SCFD1: variants seen among roughly 807,000 people sequenced by gnomAD.
SCFD1 encodes sec1 family domain containing 1, also known as sec1 family domain-containing protein 1.
Under a neutral mutation model 103.2 loss-of-function variants are expected in SCFD1, and 37 were observed. That is an observed-to-expected ratio of 0.36 (90% CI 0.28 to 0.47). The LOEUF is 0.47. Ranked by LOEUF, SCFD1 falls within the 20% of genes least tolerant of loss-of-function variation. The pLI is 1.00. For synonymous variants in SCFD1, 264 were observed against 245.0 expected (o/e 1.08, Z -0.73); for missense variants, 639 against 761.2 (o/e 0.84, Z 1.89).
chr14:30,631,971 C>A (rs1884185625), intron 3 of SCFD1, among the ~76,000 whole-genome samples: 1 of 146,672 alleles, frequency 6.8e-6, no homozygotes, highest in African/African-American at 2.6e-5. Flanking sequence ...TTGCTTGAAC[C>A]CAGGAGGCAG....
intron 7 of SCFD1, among the ~76,000 whole-genome samples, chr14:30,647,186 A>G (rs891392674): frequency 6.6e-6 from 1 of 152,118 alleles, no homozygotes; most frequent in Non-Finnish European, 1.5e-5. Context: ...CCTAATTGCA[A>G]TTTTAATTTT....
At chr14:30,635,492 A>G (rs1229822145) in intron 4 of SCFD1, among the ~76,000 whole-genome samples, 1 of 152,142 alleles carries the variant, frequency 6.6e-6, no homozygotes, top group Non-Finnish European at 1.5e-5. Context: ...ACCATTACAT[A>G]TGAATGAAAT....
At chr14:30,632,952 T>A (rs970524697) in intron 3 of SCFD1, among the ~76,000 whole-genome samples, 1 of 152,210 alleles carries the variant, frequency 6.6e-6, no homozygotes, top group Non-Finnish European at 1.5e-5. Context: ...ATTACACAGC[T>A]ACCATGGTGA....
At chr14:30,678,787 G>A (rs998489007) in intron 14 of SCFD1, among the ~76,000 whole-genome samples, 3 of 152,148 alleles carry the variant, frequency 2.0e-5, no homozygotes, top group African/African-American at 4.8e-5. Context: ...CCAACCAACC[G>A]GATATAGCTG....
At position 30,649,543 on chromosome 14, in the gene SCFD1, T is replaced by G. The variant is rs1474741261; in HGVS notation, c.629T>G (p.Ile210Ser). ...FFVTLGAVPI[I>S]RCSRGTAAEM... ...GTTAAAATAGGTGCTGTTCCTATAA[T>G]CAGATGTTCAAGAGGAACAGCAGCA... The change falls in exon 8 of 25, where the codon ATC (isoleucine) becomes AGC (serine). Residue 210 changes from isoleucine (I) to serine (S), a missense_variant. Physicochemically the swap from Ile to Ser is moderately radical, Grantham distance 142. Coordinates refer to ENST00000458591, the MANE Select transcript of SCFD1 (RefSeq NM_016106.4). 2 of 1,576,264 alleles carry G rather than the reference T, an allele frequency of 1.3e-6. No homozygotes were observed. Among genetic ancestry groups the G allele is most frequent in the Non-Finnish European group, 1.7e-6 (2 of 1,167,556 alleles).
At chr14:30,642,716 T>C (rs1885406701) in intron 6 of SCFD1, among the ~76,000 whole-genome samples, 1 of 152,246 alleles carries the variant, frequency 6.6e-6, no homozygotes, top group African/African-American at 2.4e-5. Context: ...TGGAATATGA[T>C]ATTTATTTTC....
chr14:30,625,338 T>C (rs534247970), intron 1 of SCFD1, among the ~76,000 whole-genome samples: 2 of 152,310 alleles, frequency 1.3e-5, no homozygotes, highest in South Asian at 4.1e-4. Flanking sequence ...TTTTGGAATA[T>C]TTGCATTATT....
At chr14:30,697,897 C>A (rs1176265352) in intron 15 of SCFD1, among the ~76,000 whole-genome samples, 3 of 152,172 alleles carry the variant, frequency 2.0e-5, no homozygotes, top group Non-Finnish European at 2.9e-5. Flanking sequence ...TGAAATTGAT[C>A]CTTTTTCCAT....
chr14:30,645,810 C>G (rs915190185), intron 7 of SCFD1, among the ~76,000 whole-genome samples: 1 of 152,052 alleles, frequency 6.6e-6, no homozygotes, highest in African/African-American at 2.4e-5. Flanking sequence ...ATTAGGATGC[C>G]TTTTATTTCT....
chr14:30,629,189 A>G (rs1594550839), intron 2 of SCFD1, among the ~76,000 whole-genome samples: 2 of 152,270 alleles, frequency 1.3e-5, no homozygotes, highest in African/African-American at 4.8e-5. Flanking sequence ...ATCACTTTTT[A>G]TATCATTAAA....
intron 19 of SCFD1, among the ~76,000 whole-genome samples, chr14:30,711,594 C>T (rs1251033956): frequency 6.6e-6 from 1 of 152,144 alleles, no homozygotes; most frequent in South Asian, 2.1e-4. Context: ...ATAACAAATA[C>T]ATACATCAAA....
intron 14 of SCFD1, 107 bp downstream of exon 14, chr14:30,675,172 A>G (rs1442418960): frequency 2.0e-6 from 1 of 501,414 alleles, no homozygotes; most frequent in Non-Finnish European, 3.5e-6. Context: ...CCACTGTAAC[A>G]TGAAGTATAA....
At chr14:30,682,110 G>T (rs1275649759) in intron 14 of SCFD1, among the ~76,000 whole-genome samples, 1 of 152,072 alleles carries the variant, frequency 6.6e-6, no homozygotes, top group Non-Finnish European at 1.5e-5. Flanking sequence ...ATTCTGATTT[G>T]GTCCTGGAAT....
At chr14:30,670,439 G>A in intron 11 of SCFD1, 44 bp downstream of exon 11, 1 of 1,390,162 alleles carries the variant, frequency 7.2e-7, no homozygotes, top group Non-Finnish European at 9.7e-7. Context: ...TTTTTAAAGA[G>A]AAATTAAGGT....
intron 23 of SCFD1, among the ~76,000 whole-genome samples, chr14:30,728,613 T>A (rs1472681838): frequency 6.6e-6 from 1 of 152,190 alleles, no homozygotes; most frequent in Non-Finnish European, 1.5e-5. Flanking sequence ...GTTGCGTCAC[T>A]TAGTAACTGT....
chr14:30,684,864 G>T (rs1441324505), intron 14 of SCFD1, among the ~76,000 whole-genome samples: 2 of 103,998 alleles, frequency 1.9e-5, no homozygotes, highest in Non-Finnish European at 3.6e-5. Context: ...CATTGTGCAG[G>T]TTAGTTACAT....
At chr14:30,702,410 TAA>T in intron 17 of SCFD1, 35 bp downstream of exon 17, 7 of 1,328,208 alleles carry the variant, frequency 5.3e-6, no homozygotes, top group Non-Finnish European at 7.4e-6. Context: ...TCCTGTCATT[TAA>T]AAGAGTACAA....
At chr14:30,659,722 C>T (rs1887259948) in intron 10 of SCFD1, among the ~76,000 whole-genome samples, 1 of 152,118 alleles carries the variant, frequency 6.6e-6, no homozygotes, top group South Asian at 2.1e-4. Context: ...TTAGGTTGTG[C>T]TACTTAGTCT....
chr14:30,647,939 C>T (rs372922381), intron 7 of SCFD1, among the ~76,000 whole-genome samples: 1 of 152,198 alleles, frequency 6.6e-6, no homozygotes, highest in East Asian at 1.9e-4. Context: ...GCATGAGCCA[C>T]CATGCCCGGC....
Sources: gnomAD v4.1 joint callset for allele counts (sites outside exome capture counted in the v4.1 genomes callset) on GRCh38, gnomAD v4.1.1 for gene constraint, MANE v1.5 for transcripts, NCBI Gene and HGNC (gene_info 2026-07-23, HGNC 2026-07-21) for gene names.